Variants in ADGRG7 observed in about 807,000 individuals in gnomAD.
ADGRG7 encodes adhesion G protein-coupled receptor G7, also known as G-protein coupled receptor 128.
Under a neutral mutation model 88.6 loss-of-function variants are expected in ADGRG7, and 82 were observed. The observed-to-expected ratio is 0.93, with a 90% CI of 0.77 to 1.11. ADGRG7 has a LOEUF of 1.11. Ranked by LOEUF, ADGRG7 falls within the 50% of genes most tolerant of loss-of-function variation. The pLI is 0.00. For missense variants in ADGRG7, 945 were observed against 953.4 expected, an observed-to-expected ratio of 0.99 and a Z score of 0.12; for synonymous variants, 381 against 345.2, an observed-to-expected ratio of 1.10 and a Z score of -1.15.
At chr3:100,687,583 C>T (rs76714155) in intron 15 of ADGRG7, among the ~76,000 whole-genome samples, 100,980 of 151,604 alleles carry the variant, frequency 0.67, 33,851 homozygotes, top group South Asian at 0.83. Flanking sequence ...GTTTTTAGCA[C>T]GAAGGGTTGT....
chr3:100,616,401 A>G (rs1370607645), intron 1 of ADGRG7, among the ~76,000 whole-genome samples: 1 of 152,210 alleles, frequency 6.6e-6, no homozygotes, highest in African/African-American at 2.4e-5. Context: ...AAATAAAAAA[A>G]GAAAAATACA....
At chr3:100,615,575 C>T (rs531768320) in intron 1 of ADGRG7, among the ~76,000 whole-genome samples, 1 of 152,144 alleles carries the variant, frequency 6.6e-6, no homozygotes, top group Non-Finnish European at 1.5e-5. Context: ...TGGACCAAGA[C>T]CCTTGTTCTA....
chr3:100,627,601 C>A (rs1707397208), intron 1 of ADGRG7, among the ~76,000 whole-genome samples: 1 of 152,070 alleles, frequency 6.6e-6, no homozygotes, highest in African/African-American at 2.4e-5. Flanking sequence ...GAAGTTTCTT[C>A]ATTTCTTTAT....
chr3:100,689,160 T>A (rs1381797547), intron 15 of ADGRG7, among the ~76,000 whole-genome samples: 1 of 152,180 alleles, frequency 6.6e-6, no homozygotes, highest in Non-Finnish European at 1.5e-5. Flanking sequence ...TTGATCTTTG[T>A]TGGTTTAAAG....
At chr3:100,622,248 G>A (rs1277759472) in intron 1 of ADGRG7, among the ~76,000 whole-genome samples, 1 of 136,888 alleles carries the variant, frequency 7.3e-6, no homozygotes, top group African/African-American at 2.7e-5. Flanking sequence ...AAAGATGTAA[G>A]TCTCTCTCTA....
intron 14 of ADGRG7, among the ~76,000 whole-genome samples, chr3:100,664,756 A>C (rs181787066): frequency 6.6e-6 from 1 of 152,340 alleles, no homozygotes; most frequent in Admixed American, 6.5e-5. Context: ...GGTGTCTGTA[A>C]ATAGTAACAA....
At chr3:100,652,829 C>A (rs2094931730) in intron 11 of ADGRG7, among the ~76,000 whole-genome samples, 1 of 151,742 alleles carries the variant, frequency 6.6e-6, no homozygotes, top group South Asian at 2.1e-4. Context: ...CTGAAAATTG[C>A]TGGTAAACAA....
chr3:100,616,848 T>C (rs1707232941), intron 1 of ADGRG7, among the ~76,000 whole-genome samples: 1 of 151,662 alleles, frequency 6.6e-6, no homozygotes, highest in South Asian at 2.1e-4. Context: ...AAGTCCCCCC[T>C]CCACACCCTA....
At chr3:100,689,330 C>T (rs2149043806) in intron 15 of ADGRG7, among the ~76,000 whole-genome samples, 1 of 152,272 alleles carries the variant, frequency 6.6e-6, no homozygotes, top group African/African-American at 2.4e-5. Flanking sequence ...ACTCTTTATC[C>T]AATTTGCCAG....
chr3:100,692,753 G>A (rs1280270341), intron 15 of ADGRG7, among the ~76,000 whole-genome samples: 1 of 152,146 alleles, frequency 6.6e-6, no homozygotes, highest in African/African-American at 2.4e-5. Context: ...AATCAACACA[G>A]TGTTTTGTAA....
At chr3:100,682,711 AG>A (rs1168113019) in intron 15 of ADGRG7, among the ~76,000 whole-genome samples, 4 of 152,146 alleles carry the variant, frequency 2.6e-5, no homozygotes, top group Non-Finnish European at 5.9e-5. Flanking sequence ...GGGCCCAGCG[AG>A]GACCTGAAGC....
rs1707321485 is a variant in ADGRG7 at position 100,622,243 on chromosome 3, T to G, written c.116-7355T>G. Among the ~76,000 whole-genome samples the G allele has an allele frequency of 2.1e-5, 3 of 146,080 alleles. No individual in the cohort carries two copies. The South Asian group carries it at 6.7e-4, about 33-fold the overall frequency. ...CATTTGAGATAGTTTTTGTGAAAGA[T>G]GTAAGTCTCTCTCTATATTCATTTT... On this transcript the variant is annotated intron_variant, in intron 1 of 15. Transcript: ENST00000273352.
chr3:100,635,811 A>G lies in ADGRG7; in HGVS notation c.582A>G (p.Arg194=). ...RVVGQIFNTS[R]NASPEAKKVA... ...TTGGACAGATATTCAACACTTCCAG[A>G]AATGCTTCACCTGAGGTAAAACTCA... Residue 194 remains arginine (R), a synonymous_variant, in exon 5 of 16, where the codon AGA becomes AGG. Coordinates refer to ENST00000273352, the MANE Select transcript of ADGRG7 (RefSeq NM_032787.3). The G allele has an allele frequency of 6.2e-7, 1 of 1,612,532 alleles. No homozygotes were observed. The highest frequency in any genetic ancestry group is 8.5e-7 in the Non-Finnish European group (1 of 1,179,566).
intron 14 of ADGRG7, among the ~76,000 whole-genome samples, chr3:100,666,121 G>A (rs1428089209): frequency 2.6e-5 from 4 of 150,996 alleles, no homozygotes; most frequent in Non-Finnish European, 5.9e-5. Flanking sequence ...GCGTGATCTC[G>A]GCCACTGCAA....
Position 100,645,997 on chromosome 3 carries a change from A to C in ADGRG7, c.999A>C (p.Gln333His), listed in dbSNP as rs1468686135. 6.2e-7 allele frequency: 1 copy of C among 1,614,028 alleles called. No homozygotes were observed. The highest frequency in any genetic ancestry group is 1.1e-5 in the South Asian group (1 of 91,080). ...TTTATCAAAATGACAAGCTTTTCCA[A>C]TCAAAAACTTTTACAGCTAAATCGG... ...FVVYQNDKLF[Q>H]SKTFTAKSDF... Residue 333 changes from glutamine (Q) to histidine (H), a missense_variant, in exon 9 of 16, where the codon CAA becomes CAC. Gln to His is a conservative substitution (Grantham distance 24). Coordinates refer to ENST00000273352, the MANE Select transcript of ADGRG7 (RefSeq NM_032787.3).
chr3:100,664,689 A>G (rs940146229), intron 14 of ADGRG7, among the ~76,000 whole-genome samples: 17 of 152,182 alleles, frequency 1.1e-4, no homozygotes, highest in Non-Finnish European at 2.1e-4. Context: ...AATATCCAGT[A>G]TTTGTCAAAA....
intron 14 of ADGRG7, chr3:100,665,232 G>A: frequency 1.9e-6 from 1 of 540,244 alleles, no homozygotes. Context: ...GGAGGATATG[G>A]AACTCTCCCA....
chr3:100,635,213 C>A (rs1390577685), intron 4 of ADGRG7, among the ~76,000 whole-genome samples: 1 of 117,036 alleles, frequency 8.5e-6, no homozygotes, highest in Non-Finnish European at 1.8e-5. Context: ...CCATTGCACA[C>A]CAATATTTTT....
chr3:100,617,816 T>C (rs1175537219), intron 1 of ADGRG7, among the ~76,000 whole-genome samples: 2 of 152,146 alleles, frequency 1.3e-5, no homozygotes, highest in Non-Finnish European at 2.9e-5. Flanking sequence ...GTTGAACTAG[T>C]TTACAGTTCC....
Sources: allele counts gnomAD v4.1 joint callset (sites outside exome capture counted in the v4.1 genomes callset), GRCh38; gene constraint gnomAD v4.1.1; transcripts MANE v1.5; gene names NCBI Gene and HGNC (gene_info 2026-07-23, HGNC 2026-07-21).